The following DCAF4 variants were observed in gnomAD, a reference collection of about 807,000 sequenced individuals.
DCAF4 encodes the protein DDB1 and CUL4 associated factor 4, also known as DDB1- and CUL4-associated factor 4.
Under a neutral mutation model 60.9 loss-of-function variants are expected in DCAF4, and 37 were observed. The observed-to-expected ratio is 0.61, with a 90% confidence interval of 0.47 to 0.80. The LOEUF is 0.80. Among genes scored for constraint, DCAF4 ranks in the 30% least tolerant of loss-of-function variants. The probability of loss-of-function intolerance (pLI) is 0.00; values close to 1 mark genes in which losing one functional copy is unlikely to be tolerated. For missense variants in DCAF4, 577 were observed against 650.0 expected (o/e 0.89, Z 1.22); for synonymous variants, 243 against 254.8 (o/e 0.95, Z 0.44).
intron 9 of DCAF4, among the ~76,000 whole-genome samples, chr14:72,953,768 ATT>A (rs1891857037): frequency 5.0e-5 from 1 of 20,038 alleles, no homozygotes; most frequent in Non-Finnish European, 1.1e-4. Flanking sequence ...TATATAGTTT[ATT>A]TATTTATTTA....
At position 72,945,974 on chromosome 14, in the gene DCAF4, A is replaced by AC. The variant is rs1462799820; in HGVS notation, c.629dup (p.Thr211TyrfsTer57). 6.2e-7 allele frequency: 1 copy of AC among 1,613,816 alleles called. No homozygotes were observed. Among genetic ancestry groups the AC allele is most frequent in the Non-Finnish European group, 8.5e-7 (1 of 1,179,982 alleles). On this transcript the variant is annotated frameshift_variant, in exon 7 of 14. Transcript: ENST00000358377. LOFTEE classifies it high-confidence loss of function. ...TATCATCAACCTGCAAAGTCTGAAG[A>AC]CCCCTACGCTCAAGGTGTTCATGCA... is the stretch of plus-strand genomic sequence containing the variant.
intron 7 of DCAF4, among the ~76,000 whole-genome samples, chr14:72,946,296 G>A (rs375598356): frequency 3.3e-5 from 5 of 151,830 alleles, no homozygotes; most frequent in South Asian, 2.1e-4. Flanking sequence ...TTGGGGGCTC[G>A]GGGGGAGGTG....
chr14:72,941,995 G>A, intron 5 of DCAF4, 171 bp downstream of exon 5: 1 of 633,346 alleles, frequency 1.6e-6, no homozygotes, highest in Non-Finnish European at 2.7e-6. Flanking sequence ...AACCCACCCT[G>A]AGAAAGCTGT....
chr14:72,940,542 A>G (rs1889893698), intron 4 of DCAF4, 165 bp downstream of exon 4: 1 of 629,802 alleles, frequency 1.6e-6, no homozygotes, highest in Middle Eastern at 4.4e-4. Context: ...AAGAATAAGA[A>G]CAGCCAAGAG....
intron 8 of DCAF4, among the ~76,000 whole-genome samples, chr14:72,949,598 T>C (rs1254309624): frequency 1.3e-5 from 2 of 151,864 alleles, no homozygotes; most frequent in Non-Finnish European, 2.9e-5. Flanking sequence ...CTACTAAAAA[T>C]ACAAAAATTA....
chr14:72,948,937 G>A (rs1891077530), intron 8 of DCAF4, among the ~76,000 whole-genome samples: 1 of 152,224 alleles, frequency 6.6e-6, no homozygotes, highest in Non-Finnish European at 1.5e-5. Context: ...AGTACTCAAA[G>A]TTTGAGTATA....
chr14:72,958,912 G>C lies in DCAF4; in HGVS notation c.*107G>C. On this transcript the variant is annotated 3_prime_UTR_variant, in exon 14 of 14. Coordinates refer to ENST00000358377, the MANE Select transcript of DCAF4 (RefSeq NM_015604.4). The stretch of plus-strand genomic sequence containing the variant: ...TTTTAAGTGACACTCAGTGTACACA[G>C]ATCCCATCCTCTGGCTGCTAGGAGA... 1 of 1,436,406 alleles carries C rather than the reference G, an allele frequency of 7.0e-7. No individual in the cohort carries two copies. The highest frequency in any genetic ancestry group is 9.1e-7 in the Non-Finnish European group (1 of 1,101,834). 89.0% of individuals were successfully genotyped at this position (1,436,406 alleles called of 1,614,324 possible). A position where few individuals can be genotyped will look rare whatever the true frequency, so the allele number is the denominator to read the frequency against.
At chr14:72,932,343 T>C (rs959355929) in intron 1 of DCAF4, among the ~76,000 whole-genome samples, 1 of 152,236 alleles carries the variant, frequency 6.6e-6, no homozygotes, top group African/African-American at 2.4e-5. Flanking sequence ...AACAAGGTAA[T>C]ACTGGCCTTA....
At chr14:72,937,410 C>CTTTTTTTTTTT (rs11288108) in intron 1 of DCAF4, among the ~76,000 whole-genome samples, 1 of 105,752 alleles carries the variant, frequency 9.5e-6, no homozygotes, top group Non-Finnish European at 1.8e-5. Flanking sequence ...TTTTTCTTTT[C>CTTTTTTTTTTT]TTTTTTTTTT....
rs1892321914 is a variant in DCAF4, at chr14:72,956,504, C to T, written c.1294+4C>T. 15 of 1,607,766 alleles carry T rather than the reference C, an allele frequency of 9.3e-6. No homozygotes were observed. Among genetic ancestry groups the T allele is most frequent in the Non-Finnish European group, 1.3e-5 (15 of 1,177,004 alleles). ...GAAGAAGGAATCCTGGTGGCAGGTA[C>T]TTGAGGAAGGAAGGGGAAGTTCCAC... On this transcript the variant is annotated splice_donor_region_variant and intron_variant, in intron 13 of 13. Transcript: ENST00000358377.
intron 4 of DCAF4, 51 bp downstream of exon 4, chr14:72,940,428 T>A: frequency 6.4e-7 from 1 of 1,555,462 alleles, no homozygotes; most frequent in South Asian, 1.2e-5. Context: ...TGCCAGCACC[T>A]GTCCATCCAC....
intron 1 of DCAF4, among the ~76,000 whole-genome samples, chr14:72,927,781 G>A (rs1887822330): frequency 6.6e-6 from 1 of 152,202 alleles, no homozygotes; most frequent in Admixed American, 6.5e-5. Flanking sequence ...TGTAAAATAG[G>A]ATTGAAAATA....
intron 1 of DCAF4, among the ~76,000 whole-genome samples, chr14:72,930,652 T>C (rs1053082640): frequency 2.0e-5 from 3 of 151,926 alleles, no homozygotes; most frequent in African/African-American, 7.3e-5. Context: ...TATATATATA[T>C]ATGTAGTGTG....
intron 1 of DCAF4, among the ~76,000 whole-genome samples, chr14:72,933,500 A>C (rs1888847231): frequency 6.6e-6 from 1 of 151,560 alleles, no homozygotes; most frequent in Non-Finnish European, 1.5e-5. Context: ...CAGAGGTTGC[A>C]GTGAGCCGAG....
At position 72,959,076 on chromosome 14, in the gene DCAF4, C is replaced by T; in HGVS notation, c.*271C>T. ...GAATTCTTAGAACTTAGTTAACCCT[C>T]CCTGCCTTTTCTTAACAAAAAGGAC... is the stretch of plus-strand genomic sequence containing the variant. On this transcript the variant is annotated 3_prime_UTR_variant, in exon 14 of 14. Transcript: ENST00000358377. The T allele has an allele frequency of 8.7e-7, 1 of 1,146,848 alleles. No individual in the cohort carries two copies. Among genetic ancestry groups the T allele is most frequent in the Non-Finnish European group, 1.1e-6 (1 of 933,476 alleles). 71.0% of individuals were successfully genotyped at this position (1,146,848 alleles called of 1,614,324 possible). A position where few individuals can be genotyped will look rare whatever the true frequency, so the allele number is the denominator to read the frequency against.
At position 72,959,449 on chromosome 14, in the gene DCAF4, C is replaced by G; in HGVS notation, c.*644C>G. 1 of 985,488 alleles carries G rather than the reference C, an allele frequency of 1.0e-6. No individual in the cohort carries two copies. The highest frequency in any genetic ancestry group is 1.2e-6 in the Non-Finnish European group (1 of 829,926). 61.0% of individuals were successfully genotyped at this position (985,488 alleles called of 1,614,324 possible). A position where few individuals can be genotyped will look rare whatever the true frequency, so the allele number is the denominator to read the frequency against. On this transcript the variant is annotated 3_prime_UTR_variant, in exon 14 of 14. Coordinates refer to ENST00000358377, the MANE Select transcript of DCAF4 (RefSeq NM_015604.4). ...AAGTTTTAAACGGTCCTTAACATGC[C>G]TTTGTTCAAGCACCTTCCAGAATGT...
chr14:72,927,642 C>T (rs979948395), intron 1 of DCAF4, among the ~76,000 whole-genome samples: 3 of 152,014 alleles, frequency 2.0e-5, no homozygotes, highest in Non-Finnish European at 4.4e-5. Flanking sequence ...TGAGCCACCG[C>T]GCCCGGCCTG....
In DCAF4 at chr14:72,953,725, A is replaced by AT. The variant is rs1567324618; in HGVS notation, c.809-439_809-438insT. On this transcript the variant is annotated intron_variant, in intron 9 of 13. Transcript: ENST00000358377. ...ACCCTGTCTTAAAAAAAAAAAAAAA[A>AT]AAAAAAAATATATATATATATATAT... 1.2e-3 allele frequency among the ~76,000 whole-genome samples: 65 copies of AT among 52,492 alleles called. 1 individual carries two copies. The highest frequency in any genetic ancestry group is 1.5e-3 in the Non-Finnish European group (45 of 30,014). The allele number at this position is 52,492 out of a possible 152,430, so 34.4% of individuals were successfully genotyped here.
At chr14:72,951,661 T>A in intron 8 of DCAF4, 137 bp from the exon 9 acceptor site, 1 of 736,112 alleles carries the variant, frequency 1.4e-6, no homozygotes, top group East Asian at 2.5e-5. Context: ...GTGGGCAGTG[T>A]AAACGCATGT....
Sources: gnomAD v4.1 joint callset for allele counts (sites outside exome capture counted in the v4.1 genomes callset) on GRCh38, gnomAD v4.1.1 for gene constraint, MANE v1.5 for transcripts, NCBI Gene and HGNC (gene_info 2026-07-23, HGNC 2026-07-21) for gene names.